Variants in PALLD observed in about 807,000 individuals in gnomAD.
PALLD encodes the protein palladin.
In PALLD, 61 loss-of-function variants were observed where a neutral mutation model predicts 123.5. The observed-to-expected ratio is 0.49, with a 90% confidence interval of 0.40 to 0.61. The LOEUF is 0.61. PALLD is among the 20% of genes least tolerant of loss of function. PALLD has a pLI of 0.00. For synonymous variants in PALLD, 465 were observed against 496.4 expected, an observed-to-expected ratio of 0.94 and a Z score of 0.84; for missense variants, 1,273 against 1,377.0, an observed-to-expected ratio of 0.92 and a Z score of 1.20.
intron 2 of PALLD, among the ~76,000 whole-genome samples, chr4:168,622,558 C>T (rs534089668): frequency 1.4e-4 from 21 of 152,278 alleles, no homozygotes; most frequent in Middle Eastern, 3.4e-3. Flanking sequence ...AATGTGGAAA[C>T]GCGTATGTTT....
intron 10 of PALLD, among the ~76,000 whole-genome samples, chr4:168,773,194 A>G (rs1266664634): frequency 6.6e-6 from 1 of 152,194 alleles, no homozygotes; most frequent in African/African-American, 2.4e-5. Context: ...TAACAGTGAA[A>G]TTAAATTGTT....
intron 10 of PALLD, among the ~76,000 whole-genome samples, chr4:168,812,853 C>G (rs1741358867): frequency 6.6e-6 from 1 of 152,100 alleles, no homozygotes; most frequent in Admixed American, 6.5e-5. Context: ...AACTATTTTC[C>G]TTCTTTCCCC....
intron 2 of PALLD, among the ~76,000 whole-genome samples, chr4:168,564,465 G>A (rs926156433): frequency 6.6e-6 from 1 of 152,184 alleles, no homozygotes; most frequent in Non-Finnish European, 1.5e-5. Flanking sequence ...GGCACAGATA[G>A]AAATACAAAT....
intron 2 of PALLD, among the ~76,000 whole-genome samples, chr4:168,629,372 G>A (rs567034148): frequency 7.2e-5 from 11 of 152,232 alleles, no homozygotes; most frequent in Middle Eastern, 3.4e-3. Flanking sequence ...TAGGCCAAAA[G>A]AAACCTGGAA....
intron 11 of PALLD, among the ~76,000 whole-genome samples, chr4:168,893,814 C>T (rs993719540): frequency 3.3e-5 from 5 of 152,288 alleles, no homozygotes; most frequent in East Asian, 1.9e-4. Flanking sequence ...GTGCTAGCTG[C>T]GAGATGCAAG....
chr4:168,627,974 T>G lies in PALLD; in HGVS notation c.909-40216T>G, dbSNP rs58179376. Among the ~76,000 whole-genome samples the G allele has an allele frequency of 6.1e-3, 931 of 152,364 alleles. 5 individuals carry two copies. The highest frequency in any genetic ancestry group is 0.021 in the African/African-American group (867 of 41,586). ...AACATCCAGAAGTTTGATTGCACAT[T>G]TTGCTGGCAAGGCCGTGGGGAAACA... is the stretch of plus-strand genomic sequence containing the variant. On this transcript the variant is annotated intron_variant, in intron 2 of 21. Coordinates refer to ENST00000505667, the MANE Select transcript of PALLD (RefSeq NM_001166108.2).
chr4:168,740,659 T>C (rs1788235697), intron 10 of PALLD, among the ~76,000 whole-genome samples: 1 of 152,050 alleles, frequency 6.6e-6, no homozygotes, highest in African/African-American at 2.4e-5. Flanking sequence ...TTTTGAAAGA[T>C]GGAAAACATT....
intron 2 of PALLD, among the ~76,000 whole-genome samples, chr4:168,538,749 A>G (rs62333859): frequency 0.086 from 13,124 of 152,304 alleles, 820 homozygotes; most frequent in Non-Finnish European, 0.12. Flanking sequence ...AACGTTTCAC[A>G]TTCACCGGCA....
chr4:168,677,176 GT>G (rs763547704), intron 3 of PALLD, among the ~76,000 whole-genome samples: 4,060 of 145,270 alleles, frequency 0.028, 180 homozygotes, highest in African/African-American at 0.095. Flanking sequence ...CCGTAGTGTT[GT>G]TTTTTTTTTT....
intron 2 of PALLD, among the ~76,000 whole-genome samples, chr4:168,543,004 T>A (rs1765790661): frequency 6.6e-6 from 1 of 151,948 alleles, no homozygotes; most frequent in Admixed American, 6.6e-5. Flanking sequence ...TTTTGATATA[T>A]TAAGATTTTG....
rs1044429312 is a variant in PALLD at position 168,926,678 on chromosome 4, C to T, written c.*498C>T. The T allele has an allele frequency of 2.2e-5, 8 of 356,634 alleles. No individual in the cohort carries two copies. The highest frequency in any genetic ancestry group is 1.6e-4 in the African/African-American group (8 of 48,618). 22.1% of individuals were successfully genotyped at this position (356,634 alleles called of 1,614,324 possible). A position where few individuals can be genotyped will look rare whatever the true frequency, so the allele number is the denominator to read the frequency against. ...AAAATACTAAAGGAAATCAATTGTT[C>T]ACAGGTAACTACAATTTGTATTATC... is the stretch of plus-strand genomic sequence containing the variant. On this transcript the variant is annotated 3_prime_UTR_variant, in exon 22 of 22. Transcript: ENST00000505667.
intron 10 of PALLD, among the ~76,000 whole-genome samples, chr4:168,827,728 G>A (rs1743611433): frequency 6.6e-6 from 1 of 152,180 alleles, no homozygotes; most frequent in Admixed American, 6.5e-5. Context: ...AATATAGTAA[G>A]AGCTAAATCA....
intron 2 of PALLD, among the ~76,000 whole-genome samples, chr4:168,526,752 A>C (rs910480062): frequency 3.9e-4 from 60 of 152,308 alleles, no homozygotes; most frequent in African/African-American, 1.4e-3. Flanking sequence ...TGTATGGATA[A>C]TTTTATCAGC....
At chr4:168,671,584 A>T (rs1214855578) in intron 3 of PALLD, among the ~76,000 whole-genome samples, 2 of 152,246 alleles carry the variant, frequency 1.3e-5, no homozygotes, top group African/African-American at 4.8e-5. Context: ...CCTAACATAA[A>T]GTGCTTTAGA....
At chr4:168,687,938 AGAAGCTCAGAGCCACTG>A (rs1037715391) in intron 6 of PALLD, among the ~76,000 whole-genome samples, 7 of 152,034 alleles carry the variant, frequency 4.6e-5, no homozygotes, top group African/African-American at 1.4e-4. Flanking sequence ...CAGAGCCACT[AGAAGCTCAGAGCCACTG>A]GAAGCTCAGA....
At chr4:168,833,284 G>T (rs969234282) in intron 10 of PALLD, among the ~76,000 whole-genome samples, 1 of 150,632 alleles carries the variant, frequency 6.6e-6, no homozygotes, top group Non-Finnish European at 1.5e-5. Flanking sequence ...CTGGGCTCGG[G>T]CATCTTCCCA....
chr4:168,848,609 G>T (rs531224436), intron 10 of PALLD, among the ~76,000 whole-genome samples: 8 of 152,176 alleles, frequency 5.3e-5, no homozygotes, highest in East Asian at 1.9e-4. Context: ...AACTTAGAAC[G>T]ATGCTAATTT....
intron 16 of PALLD, 132 bp downstream of exon 16, chr4:168,914,153 G>T: frequency 1.4e-6 from 1 of 694,460 alleles, no homozygotes; most frequent in Admixed American, 2.2e-5. Flanking sequence ...CAAACCTGAA[G>T]CCTGTGGCTC....
chr4:168,566,815 A>C (rs905165686), intron 2 of PALLD, among the ~76,000 whole-genome samples: 70 of 152,326 alleles, frequency 4.6e-4, no homozygotes, highest in African/African-American at 1.6e-3. Context: ...TATTAATATA[A>C]ACATTGGGCT....
Sources: allele counts gnomAD v4.1 joint callset (sites outside exome capture counted in the v4.1 genomes callset), GRCh38; gene constraint gnomAD v4.1.1; transcripts MANE v1.5; gene names NCBI Gene and HGNC (gene_info 2026-07-23, HGNC 2026-07-21).